Variants in DOCK6 observed in about 807,000 individuals in gnomAD.
The protein encoded by DOCK6 is dedicator of cytokinesis protein 6.
Under a neutral mutation model 230.3 loss-of-function variants are expected in DOCK6, and 167 were observed. The observed-to-expected ratio is 0.73, with a 90% CI of 0.64 to 0.82. The LOEUF (loss-of-function observed/expected upper bound fraction) is 0.82. Among genes scored for constraint, DOCK6 ranks in the 40% least tolerant of loss-of-function variants. DOCK6 has a pLI of 0.00. For missense variants in DOCK6, 2,598 were observed against 2,825.8 expected, an observed-to-expected ratio of 0.92 and a Z score of 1.83; for synonymous variants, 1,148 against 1,185.0, an observed-to-expected ratio of 0.97 and a Z score of 0.64.
At chr19:11,231,815 G>C (rs1192694719) in intron 22 of DOCK6, among the ~76,000 whole-genome samples, 1 of 152,172 alleles carries the variant, frequency 6.6e-6, no homozygotes, top group East Asian at 1.9e-4. Context: ...TGGGATAGGG[G>C]AGCCGAGAGG....
chr19:11,225,868 TAAA>T (rs745740690), intron 24 of DOCK6, among the ~76,000 whole-genome samples: 9,142 of 70,784 alleles, frequency 0.13, 600 homozygotes, highest in East Asian at 0.29. Context: ...CTGACTCTAC[TAAA>T]AAAAAAAAAA....
chr19:11,248,052 G>A lies in DOCK6; in HGVS notation c.806+14C>T, dbSNP rs745737687. 2 of 1,606,748 alleles carry A rather than the reference G, an allele frequency of 1.2e-6. No individual in the cohort carries two copies. The highest frequency in any genetic ancestry group is 1.1e-5 in the South Asian group (1 of 89,610). ...TTCACGCATCTAAGAAGAGAGACAT[G>A]TCAGTATACTCACTTGAGCGACAGA... On this transcript the variant is annotated intron_variant, in intron 7 of 47. Transcript: ENST00000294618.
In DOCK6 at chr19:11,215,852, C is replaced by T; in HGVS notation, c.3970G>A (p.Ala1324Thr). 6.2e-7 allele frequency: 1 copy of T among 1,613,990 alleles called. No homozygotes were observed. The highest frequency in any genetic ancestry group is 8.5e-7 in the Non-Finnish European group (1 of 1,179,892). ...CGAGCTCCGATGGTACCCAGAATGG[C>T]TTCCTCTAGCCGCGCCTTCATATCC... ...SLDMKARLEE[A>T]ILGTIGARQE... The change falls in exon 31 of 48, where the codon GCC becomes ACC. Residue 1324 changes from alanine to threonine, a missense_variant. Transcript: ENST00000294618.
chr19:11,200,689 A>T lies in DOCK6; in HGVS notation c.5939+27T>A. Reference sequence around the variant, plus strand: ...CCTATGCAGGTTAGGCAGACACGAGACCCCTCCTGGGGGGTTTTGCGCCTA... The same window carrying T: ...CCTATGCAGGTTAGGCAGACACGAGTCCCCTCCTGGGGGGTTTTGCGCCTA... On this transcript the variant is annotated intron_variant, in intron 46 of 47. Coordinates refer to ENST00000294618, the MANE Select transcript of DOCK6 (RefSeq NM_020812.4). This position sits in a 1 kb window ranked among gnomAD's most constrained non-coding sequence, Gnocchi z 4.3. 6.3e-7 allele frequency: 1 copy of T among 1,594,942 alleles called. No homozygotes were observed. The highest frequency in any genetic ancestry group is 1.1e-5 in the South Asian group (1 of 89,048).
At chr19:11,203,882 C>T in intron 41 of DOCK6, 199 bp downstream of exon 41, 2 of 672,932 alleles carry the variant, frequency 3.0e-6, no homozygotes, top group South Asian at 3.9e-5. Context: ...CACAAGCTGC[C>T]CTCGAGATCT....
intron 1 of DOCK6, among the ~76,000 whole-genome samples, 195 bp downstream of exon 1, chr19:11,262,202 T>TGGGACCCCCGCC (rs2080301990): frequency 6.6e-6 from 1 of 151,674 alleles, no homozygotes. Context: ...GACTCCCATC[T>TGGGACCCCCGCC]GGGACCCCCG....
chr19:11,217,258 C>T lies in DOCK6; in HGVS notation c.3684G>A (p.Arg1228=). 1 of 1,612,732 alleles carries T rather than the reference C, an allele frequency of 6.2e-7. No homozygotes were observed. Among genetic ancestry groups the T allele is most frequent in the Non-Finnish European group, 8.5e-7 (1 of 1,179,564 alleles). ...IAGGPLAPGS[R]ASISQGPPTA... is the part of the protein sequence containing the mutation. ...TTGGTGGCCCCTGGGAGATGCTGGC[C>T]CGGGAGCCAGGGGCTAGGGGGCCAC... Residue 1228 remains arginine (R), a synonymous_variant, in exon 29 of 48, where the codon CGG becomes CGA. Coordinates refer to ENST00000294618, the MANE Select transcript of DOCK6 (RefSeq NM_020812.4).
intron 39 of DOCK6, among the ~76,000 whole-genome samples, chr19:11,204,881 T>TAG (rs2079231015): frequency 6.6e-6 from 1 of 152,144 alleles, no homozygotes; most frequent in African/African-American, 2.4e-5. Flanking sequence ...ATGGCACAGG[T>TAG]ACGATGTACA....
intron 6 of DOCK6, among the ~76,000 whole-genome samples, chr19:11,250,502 A>C (rs2080100723): frequency 6.6e-6 from 1 of 151,506 alleles, no homozygotes; most frequent in Admixed American, 6.6e-5. Context: ...TTTAGTAGAG[A>C]TGGGGTTTCA....
rs35464191 is a variant in DOCK6, at chr19:11,250,944, C to T, written c.650G>A (p.Arg217Gln). The T allele has an allele frequency of 5.1e-4, 815 of 1,613,332 alleles. 1 individual carries two copies. The African/African-American group carries it at 9.4e-3, about 19-fold the overall frequency. The change falls in exon 6 of 48, where the codon CGG becomes CAG. Residue 217 changes from arginine to glutamine, a missense_variant. Arg to Gln is a conservative substitution (Grantham distance 43). Coordinates refer to ENST00000294618, the MANE Select transcript of DOCK6 (RefSeq NM_020812.4). ...CTGCCGTCGAAGGGTTTCATTGCGC[C>T]GGTCCACATCTTCTGGGGCCGCCCG... ...LERAAPEDVD[R>Q]RNETLRRQHR...
chr19:11,257,877 C>T (rs2080222753), intron 1 of DOCK6, among the ~76,000 whole-genome samples: 1 of 152,096 alleles, frequency 6.6e-6, no homozygotes, highest in African/African-American at 2.4e-5. Context: ...GGGAGGATCA[C>T]ATGAGGCCAG....
At chr19:11,248,859 G>A (rs2080075359) in intron 6 of DOCK6, among the ~76,000 whole-genome samples, 1 of 152,044 alleles carries the variant, frequency 6.6e-6, no homozygotes, top group Non-Finnish European at 1.5e-5. Context: ...TAATTATAGA[G>A]GTATACAATA....
chr19:11,218,964 C>T (rs1238562038), intron 28 of DOCK6, among the ~76,000 whole-genome samples: 6 of 146,332 alleles, frequency 4.1e-5, no homozygotes, highest in East Asian at 2.0e-4. Flanking sequence ...CCACAACCTC[C>T]GCCTCCCAGG....
chr19:11,258,407 A>C (rs548472578), intron 1 of DOCK6, among the ~76,000 whole-genome samples: 3 of 151,118 alleles, frequency 2.0e-5, no homozygotes, highest in Non-Finnish European at 4.4e-5. Context: ...ATTATTCTTT[A>C]AACTTCGCAC....
At chr19:11,235,855 T>C (rs1341397061) in intron 20 of DOCK6, 96 bp from the exon 21 acceptor site, 3 of 1,441,548 alleles carry the variant, frequency 2.1e-6, no homozygotes, top group African/African-American at 1.4e-5. Flanking sequence ...TGAGGGATCA[T>C]GTGCTCATTA....
At position 11,200,703 on chromosome 19, in the gene DOCK6, GT is replaced by G. The variant is rs559383969; in HGVS notation, c.5939+12del. ...GCAGACACGAGACCCCTCCTGGGGG[GT>G]TTTGCGCCTACTTCTTGCAGAAGTC... On this transcript the variant is annotated intron_variant, in intron 46 of 47. Coordinates refer to ENST00000294618, the MANE Select transcript of DOCK6 (RefSeq NM_020812.4). The surrounding 1 kb of genome is among the most constrained non-coding windows in gnomAD (Gnocchi z 4.3). The G allele has an allele frequency of 3.1e-4, 492 of 1,607,122 alleles. 3 individuals are homozygous for G. In the African/African-American group the frequency reaches 6.0e-3, roughly 20 times the overall value.
At chr19:11,219,230 C>CTGGAGTG (rs1426056474) in intron 28 of DOCK6, among the ~76,000 whole-genome samples, 43 of 118,824 alleles carry the variant, frequency 3.6e-4, no homozygotes, top group Non-Finnish European at 6.2e-4. Flanking sequence ...GTTGCCTAGG[C>CTGGAGTG]TGGAGTGCAG....
At position 11,235,722 on chromosome 19, in the gene DOCK6, A is replaced by G. The variant is rs199529353; in HGVS notation, c.2430T>C (p.His810=). The G allele has an allele frequency of 1.5e-4, 243 of 1,599,356 alleles. 2 individuals carry two copies. The East Asian group carries it at 5.4e-3, about 36-fold the overall frequency. ...LGRGAFEAMA[H]VVSLVHRSLE... is the part of the protein sequence containing the mutation. Reference sequence around the variant, plus strand: ...GGCTCCGGTGAACAAGGCTGACTACATGGGCCATTGCTTCAAAGGCTCCAC... The same window carrying G: ...GGCTCCGGTGAACAAGGCTGACTACGTGGGCCATTGCTTCAAAGGCTCCAC... The change falls in exon 21 of 48, where the codon CAT becomes CAC. Residue 810 remains histidine (H), a synonymous_variant. Coordinates refer to ENST00000294618, the MANE Select transcript of DOCK6 (RefSeq NM_020812.4).
Position 11,204,203 on chromosome 19 carries a change from G to C in DOCK6, c.5217C>G (p.His1739Gln), listed in dbSNP as rs1267553786. 1.0e-5 allele frequency: 16 copies of C among 1,554,532 alleles called. No individual in the cohort carries two copies. Among genetic ancestry groups the C allele is most frequent in the Non-Finnish European group, 1.4e-5 (16 of 1,148,120 alleles). ...GGGGAGGGGGTCCTGGGCCCACCTGGTGCATGATCTTGGTGAAGGCCTCCT... is the reference window on the plus strand; with the variant it reads ...GGGGAGGGGGTCCTGGGCCCACCTGCTGCATGATCTTGGTGAAGGCCTCCT... ...KLQEAFTKIM[H>Q]QSSGWERVFG... The change falls in exon 40 of 48, where the codon CAC becomes CAG. Residue 1739 changes from histidine to glutamine, a missense_variant. Coordinates refer to ENST00000294618, the MANE Select transcript of DOCK6 (RefSeq NM_020812.4).
Sources: allele counts gnomAD v4.1 joint callset (sites outside exome capture counted in the v4.1 genomes callset), GRCh38; gene constraint gnomAD v4.1.1; non-coding constraint Gnocchi (gnomAD v3.1); transcripts MANE v1.5; gene names NCBI Gene and HGNC (gene_info 2026-07-23, HGNC 2026-07-21).